The following ABTB3 variants were observed in gnomAD, a reference collection of about 807,000 sequenced individuals.
ABTB3 encodes the protein ankyrin repeat and BTB domain containing 3.
At chr12:107,495,513 C>T in the ABTB3 span, among the ~76,000 whole-genome samples, 1 of 152,184 alleles carries the variant, frequency 6.6e-6, no homozygotes, top group African/African-American at 2.4e-5. Flanking sequence ...CCAGTATAGC[C>T]ATCCTGGGAC....
At chr12:107,649,436 C>T in the ABTB3 span, 1 of 668,454 alleles carries the variant, frequency 1.5e-6, no homozygotes, top group Non-Finnish European at 2.7e-6. Context: ...ACTCCTCAGT[C>T]CTCCCAAACA....
At chr12:107,652,824 C>T in the ABTB3 span, among the ~76,000 whole-genome samples, 96 of 152,356 alleles carry the variant, frequency 6.3e-4, no homozygotes, top group Middle Eastern at 6.8e-3. Flanking sequence ...TTTTGTTCCA[C>T]GTGCTGAGCA....
the ABTB3 span, among the ~76,000 whole-genome samples, chr12:107,570,334 C>A: frequency 1.3e-5 from 2 of 152,190 alleles, no homozygotes; most frequent in Non-Finnish European, 2.9e-5. Flanking sequence ...CGTGCCTCAG[C>A]CTCCCGAGTA....
At chr12:107,417,584 T>C in the ABTB3 span, among the ~76,000 whole-genome samples, 1 of 152,256 alleles carries the variant, frequency 6.6e-6, no homozygotes, top group African/African-American at 2.4e-5. Flanking sequence ...TCAACCTCTC[T>C]GTGCTTTGGT....
At chr12:107,476,332 C>T in the ABTB3 span, among the ~76,000 whole-genome samples, 101 of 152,168 alleles carry the variant, frequency 6.6e-4, no homozygotes, top group African/African-American at 2.2e-3. Context: ...AATCACAGAA[C>T]TTAAAGTTGC....
At chr12:107,353,280 T>C in the ABTB3 span, among the ~76,000 whole-genome samples, 2 of 152,220 alleles carry the variant, frequency 1.3e-5, no homozygotes, top group East Asian at 1.9e-4. Flanking sequence ...TAGAACCATA[T>C]GACACCATGT....
chr12:107,646,768 G>C, the ABTB3 span, among the ~76,000 whole-genome samples: 1 of 152,176 alleles, frequency 6.6e-6, no homozygotes, highest in Non-Finnish European at 1.5e-5. Flanking sequence ...GCAAGACCTT[G>C]TTGTGCCCTC....
the ABTB3 span, chr12:107,520,351 G>A: frequency 7.5e-6 from 11 of 1,468,896 alleles, no homozygotes; most frequent in African/African-American, 4.2e-5. Context: ...CAGAGCGTTG[G>A]TTCCTACATT....
At chr12:107,570,220 A>ATT in the ABTB3 span, among the ~76,000 whole-genome samples, 2 of 151,364 alleles carry the variant, frequency 1.3e-5, no homozygotes, top group Non-Finnish European at 2.9e-5. Context: ...ACTTTCTTTT[A>ATT]TTTTTTTTTC....
chr12:107,375,377 C>T, the ABTB3 span, among the ~76,000 whole-genome samples: 22 of 152,188 alleles, frequency 1.4e-4, no homozygotes, highest in African/African-American at 3.6e-4. Flanking sequence ...AAGATTGTGC[C>T]GCTGCACTCT....
the ABTB3 span, among the ~76,000 whole-genome samples, chr12:107,494,373 G>A: frequency 6.6e-6 from 1 of 152,156 alleles, no homozygotes; most frequent in African/African-American, 2.4e-5. Context: ...ATCCTGGGCT[G>A]AGTCTGCTGG....
chr12:107,515,149 A>G, the ABTB3 span, among the ~76,000 whole-genome samples: 1 of 152,310 alleles, frequency 6.6e-6, no homozygotes, highest in East Asian at 1.9e-4. Context: ...ACACAGTGAG[A>G]AGTGGCAGAG....
At chr12:107,392,991 G>T in the ABTB3 span, among the ~76,000 whole-genome samples, 2 of 152,156 alleles carry the variant, frequency 1.3e-5, no homozygotes, top group African/African-American at 4.8e-5. Flanking sequence ...GCTCCTTCAG[G>T]GTGAGTCTTG....
chr12:107,595,148 TG>T, the ABTB3 span, among the ~76,000 whole-genome samples: 3 of 152,238 alleles, frequency 2.0e-5, no homozygotes, highest in African/African-American at 4.8e-5. Context: ...AGATGGATTT[TG>T]TTCCTAAATA....
At chr12:107,345,923 C>T in the ABTB3 span, among the ~76,000 whole-genome samples, 1 of 152,182 alleles carries the variant, frequency 6.6e-6, no homozygotes, top group Non-Finnish European at 1.5e-5. Context: ...AAAAGTTTTA[C>T]AAGACATTAT....
the ABTB3 span, among the ~76,000 whole-genome samples, chr12:107,508,115 A>T: frequency 6.7e-6 from 1 of 149,924 alleles, no homozygotes; most frequent in Admixed American, 6.6e-5. Context: ...TGGATGGAAG[A>T]GTAGATGTAT....
At chr12:107,471,249 A>T in the ABTB3 span, among the ~76,000 whole-genome samples, 1 of 152,204 alleles carries the variant, frequency 6.6e-6, no homozygotes, top group African/African-American at 2.4e-5. Context: ...CAGATGAGGA[A>T]ACCAAGGCAC....
the ABTB3 span, among the ~76,000 whole-genome samples, chr12:107,475,207 G>C: frequency 0.25 from 37,583 of 152,058 alleles, 5,104 homozygotes; most frequent in African/African-American, 0.37. Flanking sequence ...TATCTCCCTG[G>C]ACTCGAGGTA....
chr12:107,629,366 T>TGAGCTGGGGTTGCACC, the ABTB3 span, among the ~76,000 whole-genome samples: 1 of 152,090 alleles, frequency 6.6e-6, no homozygotes, highest in Non-Finnish European at 1.5e-5. Context: ...AGGGTTGCAG[T>TGAGCTGGGGTTGCACC]GAGCTGGGGT....
Sources: allele counts gnomAD v4.1 joint callset (sites outside exome capture counted in the v4.1 genomes callset), GRCh38; gene constraint gnomAD v4.1.1; transcripts MANE v1.5; gene names NCBI Gene and HGNC (gene_info 2026-07-23, HGNC 2026-07-21).